LRRC37A2: variants seen among roughly 807,000 people sequenced by gnomAD.
LRRC37A2 encodes the protein leucine rich repeat containing 37 member A2, also known as leucine-rich repeat-containing protein 37A2.
Under a neutral mutation model 68.8 loss-of-function variants are expected in LRRC37A2, and 9 were observed. That is an observed-to-expected ratio of 0.13 (90% CI 0.08 to 0.23). The LOEUF (loss-of-function observed/expected upper bound fraction) is 0.23, where lower values mean the gene tolerates loss of function less well. Ranked by LOEUF, LRRC37A2 falls within the 10% of genes least tolerant of loss-of-function variation. The probability of loss-of-function intolerance (pLI) is 1.00; values close to 1 mark genes in which losing one functional copy is unlikely to be tolerated. For missense variants in LRRC37A2, 168 were observed against 950.4 expected (o/e 0.18, Z 10.82); for synonymous variants, 63 against 367.6 (o/e 0.17, Z 9.48).
chr17:46,858,396 T>C, the LRRC37A2 span, among the ~76,000 whole-genome samples: 14 of 152,232 alleles, frequency 9.2e-5, no homozygotes, highest in Admixed American at 9.2e-4. Context: ...GTTTGTGCTT[T>C]GTTGGTGTTC....
chr17:46,771,938 C>T, the LRRC37A2 span, among the ~76,000 whole-genome samples: 4 of 146,558 alleles, frequency 2.7e-5, no homozygotes, highest in African/African-American at 9.9e-5. Flanking sequence ...CGCCGCGCCG[C>T]CGCCGCGCCT....
the LRRC37A2 span, among the ~76,000 whole-genome samples, chr17:46,792,613 A>G: frequency 6.6e-6 from 1 of 152,104 alleles, no homozygotes; most frequent in Non-Finnish European, 1.5e-5. Context: ...AGCTGGGACT[A>G]TAGGTGCATG....
At chr17:46,771,752 C>T in the LRRC37A2 span, among the ~76,000 whole-genome samples, 1 of 51,858 alleles carries the variant, frequency 1.9e-5, no homozygotes, top group Non-Finnish European at 3.9e-5. Context: ...GAAGCGGCGC[C>T]CCCCGCCCCC....
the LRRC37A2 span, among the ~76,000 whole-genome samples, chr17:46,844,305 CTTTT>C: frequency 1.6e-5 from 2 of 127,416 alleles, no homozygotes; most frequent in Non-Finnish European, 3.3e-5. Flanking sequence ...AGTTAGCCAC[CTTTT>C]TTTTTTTTTT....
the LRRC37A2 span, among the ~76,000 whole-genome samples, chr17:46,897,055 T>G: frequency 6.6e-6 from 1 of 152,062 alleles, no homozygotes; most frequent in East Asian, 1.9e-4. Flanking sequence ...AGGAGGTCGC[T>G]AGATAAACAG....
At chr17:46,759,476 C>T in the LRRC37A2 span, among the ~76,000 whole-genome samples, 35 of 152,340 alleles carry the variant, frequency 2.3e-4, no homozygotes, top group East Asian at 4.1e-3. Flanking sequence ...CCAGCGTAGA[C>T]GCCATGCAAC....
At chr17:46,493,171 T>G in the LRRC37A2 span, among the ~76,000 whole-genome samples, 1 of 137,988 alleles carries the variant, frequency 7.2e-6, no homozygotes, top group African/African-American at 3.0e-5. Flanking sequence ...TTTTTTTTTT[T>G]TTTTGAGACA....
the LRRC37A2 span, among the ~76,000 whole-genome samples, chr17:46,899,882 A>C: frequency 6.6e-5 from 10 of 151,938 alleles, no homozygotes; most frequent in African/African-American, 2.4e-4. Context: ...AATTAAGGAG[A>C]TATATAGTGG....
the LRRC37A2 span, among the ~76,000 whole-genome samples, chr17:46,765,887 C>T: frequency 6.6e-6 from 1 of 152,330 alleles, no homozygotes; most frequent in Non-Finnish European, 1.5e-5. Context: ...CTCAGCGAGG[C>T]AGAAGAGCTG....
the LRRC37A2 span, among the ~76,000 whole-genome samples, chr17:46,845,115 C>G: frequency 6.6e-6 from 1 of 152,238 alleles, no homozygotes; most frequent in Non-Finnish European, 1.5e-5. Flanking sequence ...TCCCAAAGTG[C>G]TTGGATTACA....
chr17:46,916,802 T>C, the LRRC37A2 span: 2 of 152,108 alleles, frequency 1.3e-5, no homozygotes, highest in Non-Finnish European at 2.9e-5. Context: ...GTTCTGGAGG[T>C]TGGTAAGTCC....
At chr17:46,960,872 A>G in the LRRC37A2 span, among the ~76,000 whole-genome samples, 1 of 152,232 alleles carries the variant, frequency 6.6e-6, no homozygotes, top group Admixed American at 6.5e-5. Context: ...GGATTTGGCT[A>G]CAAAGTGGCA....
the LRRC37A2 span, chr17:46,978,393 C>CAAAAAAA: frequency 2.3e-6 from 1 of 438,920 alleles, no homozygotes; most frequent in Non-Finnish European, 4.0e-6. Context: ...AACAAACAAA[C>CAAAAAAA]AAAAAAAACT....
At chr17:47,036,969 C>CT in the LRRC37A2 span, among the ~76,000 whole-genome samples, 2 of 102,944 alleles carry the variant, frequency 1.9e-5, no homozygotes, top group Non-Finnish European at 4.2e-5. Flanking sequence ...TATTCCAATA[C>CT]TTTGCAATAT....
At chr17:46,931,491 A>C in the LRRC37A2 span, 2 of 482,040 alleles carry the variant, frequency 4.1e-6, no homozygotes, top group African/African-American at 1.9e-5. Flanking sequence ...ATCCATAGCC[A>C]CCTGAAGCCT....
the LRRC37A2 span, among the ~76,000 whole-genome samples, chr17:46,869,845 GA>G: frequency 6.6e-6 from 1 of 151,804 alleles, no homozygotes; most frequent in African/African-American, 2.4e-5. Context: ...CTAAAAATAT[GA>G]AAATTAGCCA....
At chr17:46,906,100 G>A in the LRRC37A2 span, among the ~76,000 whole-genome samples, 1 of 152,072 alleles carries the variant, frequency 6.6e-6, no homozygotes, top group Admixed American at 6.6e-5. Flanking sequence ...TTCTCTTCCT[G>A]AGCAGTGAGG....
the LRRC37A2 span, chr17:47,018,717 G>A: frequency 6.6e-7 from 1 of 1,520,572 alleles, no homozygotes. Flanking sequence ...CGCTGAGGAG[G>A]GTGAATCTTC....
At chr17:46,905,839 G>A in the LRRC37A2 span, among the ~76,000 whole-genome samples, 19 of 151,290 alleles carry the variant, frequency 1.3e-4, no homozygotes, top group African/African-American at 4.1e-4. Flanking sequence ...TGGGGTAAGG[G>A]TATTGTGTGC....
Sources: gnomAD v4.1 joint callset for allele counts (sites outside exome capture counted in the v4.1 genomes callset) on GRCh38, gnomAD v4.1.1 for gene constraint, MANE v1.5 for transcripts, NCBI Gene and HGNC (gene_info 2026-07-23, HGNC 2026-07-21) for gene names.